The following ZFHX4 variants were observed in gnomAD, a reference collection of about 807,000 sequenced individuals.
The protein encoded by ZFHX4 is zinc finger homeobox protein 4.
In ZFHX4, 56 loss-of-function variants were observed where a neutral mutation model predicts 267.6. That is an observed-to-expected ratio of 0.21 (90% CI 0.17 to 0.26). The LOEUF (loss-of-function observed/expected upper bound fraction) is 0.26. Ranked by LOEUF, ZFHX4 falls within the 10% of genes least tolerant of loss-of-function variation. The pLI is 1.00. For missense variants in ZFHX4, 4,332 were observed against 4,420.0 expected (o/e 0.98, Z 0.56); for synonymous variants, 1,778 against 1,665.6 (o/e 1.07, Z -1.64).
intron 3 of ZFHX4, among the ~76,000 whole-genome samples, chr8:76,715,003 T>A (rs769462902): frequency 2.0e-5 from 3 of 152,216 alleles, no homozygotes; most frequent in Admixed American, 2.0e-4. Context: ...TAGTATAATG[T>A]CACTTCTGTG....
chr8:76,707,167 G>A lies in ZFHX4; in HGVS notation c.2591-379G>A, dbSNP rs531071076. On this transcript the variant is annotated intron_variant, in intron 2 of 10. Transcript: ENST00000651372. The stretch of plus-strand genomic sequence containing the variant: ...GTATTTGGCAGTAGATTACAGGCAC[G>A]CATACAATATTAGCCAAATCTCATC... Among the ~76,000 whole-genome samples the A allele has an allele frequency of 9.2e-4, 140 of 152,158 alleles. 3 individuals are homozygous for A. In the South Asian group the frequency reaches 0.022, roughly 24 times the overall value.
intron 1 of ZFHX4, among the ~76,000 whole-genome samples, chr8:76,701,034 A>G (rs754955860): frequency 9.9e-5 from 15 of 152,116 alleles, no homozygotes; most frequent in Non-Finnish European, 2.1e-4. Flanking sequence ...TAAATGGGTC[A>G]CTTTGATAAA....
intron 1 of ZFHX4, among the ~76,000 whole-genome samples, chr8:76,703,800 T>C (rs1267250709): frequency 6.6e-6 from 1 of 152,212 alleles, no homozygotes; most frequent in Non-Finnish European, 1.5e-5. Context: ...AGACTTCTTA[T>C]GAATGCTCAT....
At chr8:76,812,142 A>G (rs1811394297) in intron 4 of ZFHX4, among the ~76,000 whole-genome samples, 1 of 152,214 alleles carries the variant, frequency 6.6e-6, no homozygotes, top group Non-Finnish European at 1.5e-5. Flanking sequence ...TAGGGCATCA[A>G]CTTCTAAATG....
Position 76,803,167 on chromosome 8 carries a change from A to G in ZFHX4, c.3325+24728A>G, listed in dbSNP as rs890818308. 1.1e-4 allele frequency among the ~76,000 whole-genome samples: 16 copies of G among 152,108 alleles called. 1 individual carries two copies. The highest frequency in any genetic ancestry group is 4.1e-4 in the South Asian group (2 of 4,834). On this transcript the variant is annotated intron_variant, in intron 4 of 10. Transcript: ENST00000651372. Reference sequence around the variant, plus strand: ...ATTTACTCTAAAATATTTTTGAGCAAGGGAAATTCCTCTGTCTAGTACAGA... The same window carrying G: ...ATTTACTCTAAAATATTTTTGAGCAGGGGAAATTCCTCTGTCTAGTACAGA...
intron 10 of ZFHX4, 66 bp from the exon 11 acceptor site, chr8:76,863,028 A>G: frequency 6.9e-7 from 1 of 1,447,200 alleles, no homozygotes; most frequent in Non-Finnish European, 9.1e-7. Context: ...TTTAGGTGTT[A>G]AGCATACAGC....
At chr8:76,800,815 G>A (rs1245200858) in intron 4 of ZFHX4, among the ~76,000 whole-genome samples, 1 of 152,152 alleles carries the variant, frequency 6.6e-6, no homozygotes, top group Non-Finnish European at 1.5e-5. Context: ...CAAGCAGTGA[G>A]TTATTCTAAA....
chr8:76,791,906 A>G (rs1810848285), intron 4 of ZFHX4, among the ~76,000 whole-genome samples: 1 of 152,172 alleles, frequency 6.6e-6, no homozygotes, highest in Non-Finnish European at 1.5e-5. Context: ...ATGTATAGAT[A>G]TTACTCATGA....
At chr8:76,804,775 A>T (rs1486314018) in intron 4 of ZFHX4, among the ~76,000 whole-genome samples, 1 of 152,000 alleles carries the variant, frequency 6.6e-6, no homozygotes, top group Non-Finnish European at 1.5e-5. Context: ...TTAAAGTCGG[A>T]TTAAGTGAGG....
chr8:76,764,355 T>A (rs1259303861), intron 3 of ZFHX4, among the ~76,000 whole-genome samples: 2 of 152,122 alleles, frequency 1.3e-5, no homozygotes, highest in Non-Finnish European at 2.9e-5. Flanking sequence ...GATTTGTTTG[T>A]TTGTGTTTAT....
intron 3 of ZFHX4, among the ~76,000 whole-genome samples, chr8:76,714,075 T>A (rs1053832483): frequency 6.6e-6 from 1 of 152,170 alleles, no homozygotes; most frequent in Non-Finnish European, 1.5e-5. Context: ...GAAGTGCAGG[T>A]ATGATTTAAT....
intron 3 of ZFHX4, among the ~76,000 whole-genome samples, chr8:76,712,085 T>C (rs1808439973): frequency 6.6e-6 from 1 of 152,218 alleles, no homozygotes; most frequent in Non-Finnish European, 1.5e-5. Context: ...TCTGTCTGAA[T>C]TCCATAATGC....
At chr8:76,832,407 C>T (rs1811959791) in intron 4 of ZFHX4, among the ~76,000 whole-genome samples, 1 of 152,080 alleles carries the variant, frequency 6.6e-6, no homozygotes, top group Non-Finnish European at 1.5e-5. Context: ...CTAAGTAATT[C>T]ACCCATACCT....
intron 3 of ZFHX4, among the ~76,000 whole-genome samples, chr8:76,720,017 T>C (rs912208553): frequency 6.6e-6 from 1 of 152,174 alleles, no homozygotes; most frequent in Non-Finnish European, 1.5e-5. Context: ...TGAAATATAA[T>C]TCATATGCCA....
intron 10 of ZFHX4, among the ~76,000 whole-genome samples, chr8:76,856,777 C>CA (rs1812739848): frequency 1.3e-5 from 2 of 152,058 alleles, no homozygotes; most frequent in African/African-American, 4.8e-5. Flanking sequence ...ACCCAGAGTT[C>CA]AAAAGTTGAG....
At chr8:76,686,613 C>A (rs1048519222) in intron 1 of ZFHX4, among the ~76,000 whole-genome samples, 2 of 152,000 alleles carry the variant, frequency 1.3e-5, no homozygotes, top group African/African-American at 4.8e-5. Flanking sequence ...GCTGCTGACT[C>A]CTTTTCCCTT....
At position 76,806,627 on chromosome 8, in the gene ZFHX4, G is replaced by A. The variant is rs1585965009; in HGVS notation, c.3326-26711G>A. Among the ~76,000 whole-genome samples, 3 of 151,954 alleles carry A rather than the reference G, an allele frequency of 2.0e-5. No individual in the cohort carries two copies. In the South Asian group the frequency reaches 6.2e-4, roughly 31 times the overall value. ...ATAATTGGAAGTTTATAACTTTCAA[G>A]AGATTAAAAGAACTAAGCTTTTAAT... On this transcript the variant is annotated intron_variant, in intron 4 of 10. Transcript: ENST00000651372.
intron 1 of ZFHX4, among the ~76,000 whole-genome samples, chr8:76,682,213 C>A (rs1807552472): frequency 6.6e-6 from 1 of 152,184 alleles, no homozygotes; most frequent in Non-Finnish European, 1.5e-5. Context: ...CCCCTCTCTC[C>A]CTGCTCTTTC....
chr8:76,852,852 G>C lies in ZFHX4; in HGVS notation c.5931G>C (p.Ala1977=), dbSNP rs371328827. Residue 1977 remains alanine, a synonymous_variant, in exon 10 of 11, where the codon GCG becomes GCC. Coordinates refer to ENST00000651372, the MANE Select transcript of ZFHX4 (RefSeq NM_024721.5). ...ATGGGCAATTTTTTCCATATGCAGCGCTAGAAAAATTTGCTCGTCAATACA... is the reference window on the plus strand; with the variant it reads ...ATGGGCAATTTTTTCCATATGCAGCCCTAGAAAAATTTGCTCGTCAATACA... The part of the protein sequence containing the change: ...HVHGQFFPYA[A]LEKFARQYRE... The C allele has an allele frequency of 3.7e-6, 6 of 1,613,668 alleles. No homozygotes were observed. Among genetic ancestry groups the C allele is most frequent in the Non-Finnish European group, 4.2e-6 (5 of 1,179,810 alleles).
Sources: gnomAD v4.1 joint callset for allele counts (sites outside exome capture counted in the v4.1 genomes callset) on GRCh38, gnomAD v4.1.1 for gene constraint, MANE v1.5 for transcripts, NCBI Gene and HGNC (gene_info 2026-07-23, HGNC 2026-07-21) for gene names.